AEBP2: variants seen among roughly 807,000 people sequenced by gnomAD.
AEBP2 encodes the protein zinc finger protein AEBP2.
Under a neutral mutation model 50.8 loss-of-function variants are expected in AEBP2, and 10 were observed. That is an observed-to-expected ratio of 0.20 (90% CI 0.12 to 0.33). The LOEUF (loss-of-function observed/expected upper bound fraction) is 0.33, where lower values mean the gene tolerates loss of function less well. AEBP2 is among the 10% of genes least tolerant of loss of function. The pLI, the probability that AEBP2 is intolerant of heterozygous loss-of-function variation, is 1.00. For missense variants in AEBP2, 570 were observed against 688.0 expected, an observed-to-expected ratio of 0.83 and a Z score of 1.92; for synonymous variants, 296 against 261.3, an observed-to-expected ratio of 1.13 and a Z score of -1.28.
chr12:19,439,418 G>A (rs1358496217), upstream of AEBP2, among the ~76,000 whole-genome samples: 1 of 142,746 alleles, frequency 7.0e-6, no homozygotes, highest in African/African-American at 2.6e-5. Context: ...CGGGGCGGGC[G>A]CCGGGCGGGG....
In AEBP2 at chr12:19,518,480, A is replaced by G; in HGVS notation, c.*363A>G. On this transcript the variant is annotated 3_prime_UTR_variant, in exon 8 of 8. Coordinates refer to ENST00000266508, the MANE Select transcript of AEBP2 (RefSeq NM_153207.5). ...TTCCCTTTAGTGATTTCAGTAGTTT[A>G]TATTGGAAAGAAAAACAATTACAAC... The G allele has an allele frequency of 8.1e-7, 1 of 1,241,180 alleles. No individual in the cohort carries two copies. Among genetic ancestry groups the G allele is most frequent in the South Asian group, 3.2e-5 (1 of 30,832 alleles). The allele number at this position is 1,241,180 out of a possible 1,614,324, so 76.9% of individuals were successfully genotyped here.
intron 1 of AEBP2, among the ~76,000 whole-genome samples, chr12:19,420,627 A>G (rs2095745150): frequency 6.6e-6 from 1 of 152,142 alleles, no homozygotes; most frequent in Non-Finnish European, 1.5e-5. Context: ...CGCCCGGCCA[A>G]TAGCTCTTTT....
In AEBP2 at chr12:19,439,625, G is replaced by A. The variant is rs964385221; in HGVS notation, c.-75G>A. ...CGGCGGAGTTTTGGGCGTTTGGGAGGGGGGCGAGGGAGAGAGAGTCGAGAG... is the reference window on the plus strand; with the variant it reads ...CGGCGGAGTTTTGGGCGTTTGGGAGAGGGGCGAGGGAGAGAGAGTCGAGAG... On this transcript the variant is annotated 5_prime_UTR_variant, in exon 1 of 8. Coordinates refer to ENST00000266508, the MANE Select transcript of AEBP2 (RefSeq NM_153207.5). 41 of 1,478,886 alleles carry A rather than the reference G, an allele frequency of 2.8e-5. No individual in the cohort carries two copies. The highest frequency in any genetic ancestry group is 3.4e-5 in the Non-Finnish European group (38 of 1,117,826). 91.6% of individuals were successfully genotyped at this position (1,478,886 alleles called of 1,614,324 possible). A position where few individuals can be genotyped will look rare whatever the true frequency, so the allele number is the denominator to read the frequency against.
At chr12:19,433,518 G>T (rs1470605994) in intron 1 of AEBP2, among the ~76,000 whole-genome samples, 1 of 152,068 alleles carries the variant, frequency 6.6e-6, no homozygotes, top group Non-Finnish European at 1.5e-5. Flanking sequence ...GGTGGTTCAT[G>T]CCTGTAATCC....
At chr12:19,492,354 A>C (rs1319662731) in intron 3 of AEBP2, among the ~76,000 whole-genome samples, 1 of 152,166 alleles carries the variant, frequency 6.6e-6, no homozygotes, top group Non-Finnish European at 1.5e-5. Flanking sequence ...TTCTGGTGCT[A>C]CCTGAACATT....
intron 1 of AEBP2, 94 bp downstream of exon 1, chr12:19,440,464 C>T (rs911578342): frequency 1.6e-5 from 23 of 1,415,704 alleles, no homozygotes; most frequent in Non-Finnish European, 2.0e-5. Context: ...CGCGATCCCC[C>T]TGCTCCCCGA....
At chr12:19,412,952 G>A (rs1435008724) in intron 1 of AEBP2, among the ~76,000 whole-genome samples, 1 of 152,188 alleles carries the variant, frequency 6.6e-6, no homozygotes, top group Admixed American at 6.5e-5. Flanking sequence ...TCCCCGTCAC[G>A]AGGGGCCCAG....
chr12:19,444,379 T>A (rs1049593257), intron 1 of AEBP2, among the ~76,000 whole-genome samples: 1 of 152,238 alleles, frequency 6.6e-6, no homozygotes, highest in Non-Finnish European at 1.5e-5. Context: ...AATTTTAATA[T>A]TTAAAATGCC....
rs11044618 is a variant in AEBP2 at position 19,495,481 on chromosome 12, A to C, written c.1174+1495A>C. 2.9e-3 allele frequency among the ~76,000 whole-genome samples: 433 copies of C among 151,130 alleles called. 1 individual carries two copies. The highest frequency in any genetic ancestry group is 9.9e-3 in the African/African-American group (409 of 41,186). Reference sequence around the variant, plus strand: ...CCAGAAAACTTTATATTTCGTTTTTATTTTTTTTCTACCTCATTAACTGAG... The same window carrying C: ...CCAGAAAACTTTATATTTCGTTTTTCTTTTTTTTCTACCTCATTAACTGAG... On this transcript the variant is annotated intron_variant, in intron 4 of 7. Coordinates refer to ENST00000266508, the MANE Select transcript of AEBP2 (RefSeq NM_153207.5).
intron 7 of AEBP2, among the ~76,000 whole-genome samples, chr12:19,517,644 A>G (rs1374151672): frequency 2.6e-5 from 4 of 152,190 alleles, no homozygotes; most frequent in African/African-American, 9.6e-5. Flanking sequence ...GCCGAGAGAC[A>G]ACTGTATTTA....
chr12:19,506,648 C>T (rs1301079946), intron 5 of AEBP2, among the ~76,000 whole-genome samples: 2 of 152,156 alleles, frequency 1.3e-5, no homozygotes, highest in Non-Finnish European at 2.9e-5. Flanking sequence ...TCTTTTCCCT[C>T]ATGCAGGCTT....
chr12:19,464,598 T>A (rs2153370665), intron 2 of AEBP2, among the ~76,000 whole-genome samples: 1 of 152,012 alleles, frequency 6.6e-6, no homozygotes, highest in African/African-American at 2.4e-5. Flanking sequence ...ATTAATTTTT[T>A]TTTTTGAGAC....
intron 3 of AEBP2, among the ~76,000 whole-genome samples, chr12:19,475,231 C>A (rs1207049901): frequency 6.6e-6 from 1 of 151,986 alleles, no homozygotes; most frequent in Non-Finnish European, 1.5e-5. Flanking sequence ...TAACCACCCC[C>A]ACCCTTCCCT....
At chr12:19,462,020 A>G (rs1269405028) in intron 1 of AEBP2, among the ~76,000 whole-genome samples, 1 of 152,154 alleles carries the variant, frequency 6.6e-6, no homozygotes, top group Non-Finnish European at 1.5e-5. Flanking sequence ...CAATTCTTTG[A>G]CATGAAAAGA....
At chr12:19,434,296 C>G (rs1405029962) in intron 1 of AEBP2, among the ~76,000 whole-genome samples, 1 of 151,714 alleles carries the variant, frequency 6.6e-6, no homozygotes, top group African/African-American at 2.4e-5. Flanking sequence ...GCCTCAGCCT[C>G]CCGAGTAGCT....
chr12:19,440,332 G>A lies in AEBP2; in HGVS notation c.633G>A (p.Ser211=), dbSNP rs1315555380. Residue 211 remains serine, a synonymous_variant, in exon 1 of 8, where the codon TCG becomes TCA. Transcript: ENST00000266508. ...GGRRGSLEMS[S]DGEPLSRMDS... ...GGCGGGGCAGCTTGGAGATGTCGTC[G>A]GATGGGGAACCCCTGAGCCGCATGG... 1.4e-6 allele frequency: 2 copies of A among 1,465,120 alleles called. No homozygotes were observed. Among genetic ancestry groups the A allele is most frequent in the South Asian group, 2.8e-5 (2 of 70,634 alleles). The allele number at this position is 1,465,120 out of a possible 1,614,324, so 90.8% of individuals were successfully genotyped here.
chr12:19,411,749 T>C (rs2153363308), intron 1 of AEBP2, among the ~76,000 whole-genome samples: 1 of 152,364 alleles, frequency 6.6e-6, no homozygotes. Context: ...TCTATTAAGC[T>C]CTTCCAGGGA....
At chr12:19,472,667 C>T (rs759907093) in intron 2 of AEBP2, among the ~76,000 whole-genome samples, 11 of 152,006 alleles carry the variant, frequency 7.2e-5, no homozygotes, top group Non-Finnish European at 4.4e-5. Flanking sequence ...AGAAATAATT[C>T]TTCATGATTA....
At chr12:19,492,880 G>T (rs1272820932) in intron 3 of AEBP2, among the ~76,000 whole-genome samples, 3 of 152,110 alleles carry the variant, frequency 2.0e-5, no homozygotes, top group Non-Finnish European at 4.4e-5. Context: ...GGAGGCTGAG[G>T]TGGGAGGATC....
Sources: gnomAD v4.1 joint callset for allele counts (sites outside exome capture counted in the v4.1 genomes callset) on GRCh38, gnomAD v4.1.1 for gene constraint, MANE v1.5 for transcripts, NCBI Gene and HGNC (gene_info 2026-07-23, HGNC 2026-07-21) for gene names.